CRYBB1: variants seen among roughly 807,000 people sequenced by gnomAD.
CRYBB1 encodes the protein beta-crystallin B1.
In CRYBB1, 16 loss-of-function variants were observed where a neutral mutation model predicts 29.5. The ratio of observed to expected loss-of-function variants is 0.54; its 90% CI spans 0.37 to 0.82. The LOEUF is 0.82. Ranked by LOEUF, CRYBB1 falls within the 40% of genes least tolerant of loss-of-function variation. The probability of loss-of-function intolerance (pLI) is 0.00; values close to 1 mark genes in which losing one functional copy is unlikely to be tolerated. For missense variants in CRYBB1, 300 were observed against 350.5 expected (o/e 0.86, Z 1.15); for synonymous variants, 127 against 136.7 (o/e 0.93, Z 0.49).
At chr22:26,608,060 A>G in intron 3 of CRYBB1, 39 bp from the exon 4 acceptor site, 2 of 1,613,834 alleles carry the variant, frequency 1.2e-6, no homozygotes, top group Non-Finnish European at 1.7e-6. Context: ...CAGGAGACAT[A>G]TGGTTAGTAG....
chr22:26,606,649 A>G (rs1327902631), intron 4 of CRYBB1, among the ~76,000 whole-genome samples: 2 of 152,256 alleles, frequency 1.3e-5, no homozygotes, highest in Non-Finnish European at 2.9e-5. Flanking sequence ...TCAGTCTTAC[A>G]TTCTGCGAAA....
At chr22:26,617,901 C>T (rs1297544375) in intron 1 of CRYBB1, 76 bp downstream of exon 1, 1 of 153,458 alleles carries the variant, frequency 6.5e-6, no homozygotes. Flanking sequence ...ACTGCTATCT[C>T]TGCCTCCCTC....
At chr22:26,603,709 G>A (rs1242522962) in intron 4 of CRYBB1, among the ~76,000 whole-genome samples, 1 of 151,902 alleles carries the variant, frequency 6.6e-6, no homozygotes, top group Non-Finnish European at 1.5e-5. Flanking sequence ...TTCGAGACCA[G>A]CCTGACTAAC....
chr22:26,607,925 G>A lies in CRYBB1; in HGVS notation c.396C>T (p.Arg132=). 6.2e-7 allele frequency: 1 copy of A among 1,614,220 alleles called. No homozygotes were observed. Among genetic ancestry groups the A allele is most frequent in the Non-Finnish European group, 8.5e-7 (1 of 1,180,036 alleles). ...PRWNTWSSSY[R]SDRLMSFRPI... ...GCCGGAAGGACATGAGCCGATCACT[G>A]CGGTAGCTGCTCGACCATGTGTTCC... is the stretch of plus-strand genomic sequence containing the variant. Residue 132 remains arginine, a synonymous_variant, in exon 4 of 6, where the codon CGC becomes CGT. Coordinates refer to ENST00000647684, the MANE Select transcript of CRYBB1 (RefSeq NM_001887.4).
Position 26,599,404 on chromosome 22 carries a change from A to G in CRYBB1, c.*86T>C. On this transcript the variant is annotated 3_prime_UTR_variant, in exon 6 of 6. Transcript: ENST00000647684. ...CAGATCCAGGAGAAATTTTGGCTTT[A>G]GGGAATTTTATTTGCCTGGGAAAAA... 7.0e-7 allele frequency: 1 copy of G among 1,435,466 alleles called. No individual in the cohort carries two copies. Among genetic ancestry groups the G allele is most frequent in the Non-Finnish European group, 9.6e-7 (1 of 1,044,826 alleles). The allele number at this position is 1,435,466 out of a possible 1,614,324, so 88.9% of individuals were successfully genotyped here. A position where few individuals can be genotyped will look rare whatever the true frequency, so the allele number is the denominator to read the frequency against.
At position 26,610,039 on chromosome 22, in the gene CRYBB1, T is replaced by A. The variant is rs576298997; in HGVS notation, c.300-2018A>T. On this transcript the variant is annotated intron_variant, in intron 3 of 5. Transcript: ENST00000647684. ...TCTGGAAAAACAGACACTGATGTGG[T>A]CTTGCCACCATGCCCAAGTCCCCCT... 8.8e-5 allele frequency among the ~76,000 whole-genome samples: 6 copies of A among 68,520 alleles called. No individual in the cohort carries two copies. In the East Asian group the frequency reaches 2.2e-3, roughly 25 times the overall value. 45.0% of individuals were successfully genotyped at this position (68,520 alleles called of 152,430 possible).
At chr22:26,607,755 G>T in intron 4 of CRYBB1, 134 bp downstream of exon 4, 1 of 1,195,328 alleles carries the variant, frequency 8.4e-7, no homozygotes, top group Non-Finnish European at 1.2e-6. Context: ...AGAATCCACG[G>T]TCCTTTGACA....
chr22:26,613,451 G>A (rs1049252627), intron 2 of CRYBB1, among the ~76,000 whole-genome samples: 3 of 152,224 alleles, frequency 2.0e-5, no homozygotes, highest in African/African-American at 4.8e-5. Flanking sequence ...GCAGAAGAAC[G>A]TGGATTGTGA....
intron 4 of CRYBB1, 73 bp downstream of exon 4, chr22:26,607,816 T>C: frequency 1.2e-6 from 2 of 1,606,750 alleles, no homozygotes; most frequent in Non-Finnish European, 1.7e-6. Context: ...TTCTTGCCCT[T>C]GTCAGATCTC....
chr22:26,611,721 G>A (rs1602328890), intron 3 of CRYBB1, among the ~76,000 whole-genome samples: 3 of 151,986 alleles, frequency 2.0e-5, no homozygotes, highest in Non-Finnish European at 2.9e-5. Flanking sequence ...TGATCCACCC[G>A]CCTCGGCCTC....
chr22:26,617,723 C>G (rs921682810), intron 1 of CRYBB1, among the ~76,000 whole-genome samples: 11 of 152,078 alleles, frequency 7.2e-5, no homozygotes, highest in African/African-American at 2.7e-4. Context: ...CCCACTATCT[C>G]TCCCTCATTG....
At chr22:26,609,109 A>G (rs1272505148) in intron 3 of CRYBB1, among the ~76,000 whole-genome samples, 1 of 152,166 alleles carries the variant, frequency 6.6e-6, no homozygotes, top group Non-Finnish European at 1.5e-5. Flanking sequence ...AAGAGTTCTT[A>G]GGAAAAAAGA....
intron 3 of CRYBB1, among the ~76,000 whole-genome samples, chr22:26,611,226 C>T (rs570253197): frequency 6.6e-6 from 1 of 152,176 alleles, no homozygotes; most frequent in Non-Finnish European, 1.5e-5. Flanking sequence ...AGACTCACCC[C>T]CTCTGAGCCT....
chr22:26,614,814 G>A (rs1020186738), intron 2 of CRYBB1, among the ~76,000 whole-genome samples: 10 of 152,010 alleles, frequency 6.6e-5, no homozygotes, highest in Non-Finnish European at 8.8e-5. Flanking sequence ...CTCATAATTC[G>A]GTCTCAAAAT....
intron 4 of CRYBB1, among the ~76,000 whole-genome samples, chr22:26,607,066 C>T (rs1449367421): frequency 1.3e-5 from 2 of 148,830 alleles, no homozygotes; most frequent in East Asian, 2.0e-4. Flanking sequence ...ACCGTCACCC[C>T]GGCTGGAGTG....
intron 3 of CRYBB1, 138 bp downstream of exon 3, chr22:26,611,934 A>G (rs570614779): frequency 3.1e-5 from 23 of 732,292 alleles, no homozygotes; most frequent in African/African-American, 2.7e-4. Flanking sequence ...TCAGTTTGAT[A>G]TGAGGATTGG....
chr22:26,615,020 T>A (rs2071530750), intron 2 of CRYBB1, among the ~76,000 whole-genome samples: 1 of 152,118 alleles, frequency 6.6e-6, no homozygotes, highest in South Asian at 2.1e-4. Flanking sequence ...GGTAGAAAGT[T>A]TTTAACCAAG....
At chr22:26,603,125 C>CAAAAAAAAA (rs779127242) in intron 4 of CRYBB1, among the ~76,000 whole-genome samples, 2 of 69,340 alleles carry the variant, frequency 2.9e-5, no homozygotes, top group Non-Finnish European at 6.2e-5. Context: ...GACTCCGTCT[C>CAAAAAAAAA]AAAAAAAAAA....
At chr22:26,605,524 A>C (rs1387500099) in intron 4 of CRYBB1, among the ~76,000 whole-genome samples, 1 of 151,978 alleles carries the variant, frequency 6.6e-6, no homozygotes, top group Non-Finnish European at 1.5e-5. Context: ...AAATACAAAA[A>C]TTATCTGGGC....
Sources: gnomAD v4.1 joint callset for allele counts (sites outside exome capture counted in the v4.1 genomes callset) on GRCh38, gnomAD v4.1.1 for gene constraint, MANE v1.5 for transcripts, NCBI Gene and HGNC (gene_info 2026-07-23, HGNC 2026-07-21) for gene names.